Variants in MARCHF1 observed in about 807,000 individuals in gnomAD.
MARCHF1 encodes the protein membrane associated ring-CH-type finger 1, also known as E3 ubiquitin-protein ligase MARCHF1.
In MARCHF1, 40 loss-of-function variants were observed where a neutral mutation model predicts 54.2. That is an observed-to-expected ratio of 0.74 (90% CI 0.57 to 0.96). The LOEUF is 0.96. Ranked by LOEUF, MARCHF1 falls within the 40% of genes least tolerant of loss-of-function variation. The probability of loss-of-function intolerance (pLI) is 0.00; values close to 1 mark genes in which losing one functional copy is unlikely to be tolerated. For missense variants in MARCHF1, 586 were observed against 656.5 expected (o/e 0.89, Z 1.17); for synonymous variants, 236 against 236.3 (o/e 1.00, Z 0.01).
chr4:163,624,578 C>A (rs1001775902), intron 5 of MARCHF1, among the ~76,000 whole-genome samples: 1 of 152,226 alleles, frequency 6.6e-6, no homozygotes, highest in African/African-American at 2.4e-5. Flanking sequence ...GACTAATCCT[C>A]AGACCACTAG....
At chr4:164,003,971 T>G (rs1051162301) in intron 2 of MARCHF1, among the ~76,000 whole-genome samples, 3 of 152,102 alleles carry the variant, frequency 2.0e-5, no homozygotes, top group African/African-American at 7.2e-5. Flanking sequence ...AAGAATGAGA[T>G]CATGTCCTTT....
chr4:164,197,731 C>T, intron 1 of MARCHF1: 1 of 1,611,280 alleles, frequency 6.2e-7, no homozygotes, highest in South Asian at 1.1e-5. Context: ...TCTCTGTCTG[C>T]AGAGGCTCTC....
At chr4:164,016,128 A>G (rs1374346073) in intron 2 of MARCHF1, among the ~76,000 whole-genome samples, 2 of 152,194 alleles carry the variant, frequency 1.3e-5, no homozygotes, top group East Asian at 1.9e-4. Flanking sequence ...TCAGACTGCT[A>G]TAAAGAACTT....
chr4:164,356,401 T>A (rs897241737), intron 1 of MARCHF1, among the ~76,000 whole-genome samples: 2 of 137,630 alleles, frequency 1.5e-5, no homozygotes, highest in Admixed American at 7.3e-5. Flanking sequence ...ATTAAGAAAA[T>A]GTGGCACATA....
rs574537681 is a variant in MARCHF1 at position 164,007,121 on chromosome 4, C to A, written c.-247-18412G>T. ...TGGGACTTTGGGAGGCCGAGGCAGGCGGATCACGAGGTCAGGAGATCAAGA... is the reference window on the plus strand; with the variant it reads ...TGGGACTTTGGGAGGCCGAGGCAGGAGGATCACGAGGTCAGGAGATCAAGA... On this transcript the variant is annotated intron_variant, in intron 2 of 9. Transcript: ENST00000514618. 1.4e-5 allele frequency among the ~76,000 whole-genome samples: 2 copies of A among 146,290 alleles called. 1 individual carries two copies. Among genetic ancestry groups the A allele is most frequent in the African/African-American group, 5.0e-5 (2 of 39,658 alleles).
At chr4:164,056,369 A>T in intron 2 of MARCHF1, among the ~76,000 whole-genome samples, 1 of 152,146 alleles carries the variant, frequency 6.6e-6, no homozygotes, top group Non-Finnish European at 1.5e-5. Flanking sequence ...AGGACATCTC[A>T]AAAGTGTGAC....
chr4:163,949,575 C>T (rs1341603651), intron 3 of MARCHF1, among the ~76,000 whole-genome samples: 2 of 152,220 alleles, frequency 1.3e-5, no homozygotes, highest in African/African-American at 4.8e-5. Context: ...GAATGAGTTA[C>T]ACAGACAAGT....
chr4:163,579,891 A>G (rs1349999820), intron 8 of MARCHF1, among the ~76,000 whole-genome samples: 1 of 152,154 alleles, frequency 6.6e-6, no homozygotes, highest in East Asian at 1.9e-4. Context: ...GGGCTTTCTT[A>G]TCATGTAATC....
At chr4:163,677,527 C>G (rs867686434) in intron 5 of MARCHF1, among the ~76,000 whole-genome samples, 1 of 152,188 alleles carries the variant, frequency 6.6e-6, no homozygotes, top group Non-Finnish European at 1.5e-5. Flanking sequence ...AAACACATTT[C>G]TCTTTAAAAT....
chr4:163,920,566 C>G (rs1560819873), intron 3 of MARCHF1, among the ~76,000 whole-genome samples: 1 of 152,108 alleles, frequency 6.6e-6, no homozygotes, highest in South Asian at 2.1e-4. Context: ...ACTGCTGACC[C>G]TATGCTACTA....
chr4:164,102,693 G>A (rs1285131294), intron 2 of MARCHF1, among the ~76,000 whole-genome samples: 1 of 151,776 alleles, frequency 6.6e-6, no homozygotes, highest in Non-Finnish European at 1.5e-5. Flanking sequence ...AGACTAGGAA[G>A]AAACTGCATC....
intron 1 of MARCHF1, among the ~76,000 whole-genome samples, chr4:164,242,528 A>G (rs1189639134): frequency 0.023 from 2,105 of 93,108 alleles, no homozygotes; most frequent in South Asian, 0.03. Context: ...AAGATGGGGA[A>G]AAAACAGAAC....
chr4:163,573,572 T>C (rs1177035703), intron 8 of MARCHF1, among the ~76,000 whole-genome samples: 1 of 151,084 alleles, frequency 6.6e-6, no homozygotes, highest in East Asian at 2.0e-4. Context: ...GTTTGGTTTT[T>C]TGTTCTTGTG....
chr4:164,076,681 A>C (rs1196567625), intron 2 of MARCHF1, among the ~76,000 whole-genome samples: 1 of 152,256 alleles, frequency 6.6e-6, no homozygotes, highest in Non-Finnish European at 1.5e-5. Flanking sequence ...AAGAAACTTC[A>C]GCCAAGTCTC....
chr4:164,331,314 T>C (rs897057900), intron 1 of MARCHF1, among the ~76,000 whole-genome samples: 1 of 151,986 alleles, frequency 6.6e-6, no homozygotes, highest in Non-Finnish European at 1.5e-5. Flanking sequence ...ATAGCTAAGG[T>C]CCTGTATAAG....
intron 8 of MARCHF1, among the ~76,000 whole-genome samples, chr4:163,579,735 A>G (rs1740159193): frequency 6.6e-6 from 1 of 152,198 alleles, no homozygotes; most frequent in East Asian, 1.9e-4. Flanking sequence ...ATTATAGGAA[A>G]GCTGTGTTTG....
chr4:164,197,625 C>T lies in MARCHF1; in HGVS notation c.-322-85963G>A, dbSNP rs772575830. ...TGAGGGCTTCGAGTTTGCCTTCATT[C>T]GACCGACTGTTGTCCAGGGCAAGTT... On this transcript the variant is annotated intron_variant, in intron 1 of 9. Coordinates refer to ENST00000514618, the MANE Select transcript of MARCHF1 (RefSeq NM_001394959.1). 7 of 1,612,998 alleles carry T rather than the reference C, an allele frequency of 4.3e-6. No individual in the cohort carries two copies. The East Asian group carries it at 1.3e-4, about 31-fold the overall frequency.
chr4:164,368,895 A>C (rs1212755488), intron 1 of MARCHF1, among the ~76,000 whole-genome samples: 1 of 152,224 alleles, frequency 6.6e-6, no homozygotes, highest in African/African-American at 2.4e-5. Flanking sequence ...GGGTCTCTAC[A>C]AGCTGGTGCT....
intron 7 of MARCHF1, among the ~76,000 whole-genome samples, chr4:163,591,978 C>T (rs575213637): frequency 6.6e-6 from 1 of 152,230 alleles, no homozygotes; most frequent in East Asian, 1.9e-4. Flanking sequence ...CAGCTGTTTG[C>T]AGCTACTCTT....
Sources: gnomAD v4.1 joint callset for allele counts (sites outside exome capture counted in the v4.1 genomes callset) on GRCh38, gnomAD v4.1.1 for gene constraint, MANE v1.5 for transcripts, NCBI Gene and HGNC (gene_info 2026-07-23, HGNC 2026-07-21) for gene names.